TTC6: variants seen among roughly 807,000 people sequenced by gnomAD.
The protein encoded by TTC6 is tetratricopeptide repeat domain 6.
TTC6 carries 172 observed loss-of-function variants against 210.4 expected under a neutral mutation model. The ratio of observed to expected loss-of-function variants is 0.82; its 90% confidence interval spans 0.72 to 0.93. TTC6 has a LOEUF of 0.93. Ranked by LOEUF, TTC6 falls within the 40% of genes least tolerant of loss-of-function variation. TTC6 has a pLI of 0.00. For synonymous variants in TTC6, 804 were observed against 819.6 expected (o/e 0.98, Z 0.32); for missense variants, 2,414 against 2,318.1 (o/e 1.04, Z -0.85).
chr14:37,653,814 AT>A (rs1320949128), intron 1 of TTC6, among the ~76,000 whole-genome samples: 1 of 152,162 alleles, frequency 6.6e-6, no homozygotes, highest in Non-Finnish European at 1.5e-5. Flanking sequence ...TTGTCAACTT[AT>A]TCATATTTGT....
exon 5 of TTC6, chr14:37,701,393 G>A (rs1049018629): frequency 1.3e-6 from 2 of 1,531,312 alleles, no homozygotes; most frequent in African/African-American, 2.7e-5. Flanking sequence ...CCCAGCCCAG[G>A]AGCTGCCTGT....
intron 1 of TTC6, among the ~76,000 whole-genome samples, chr14:37,653,750 A>G (rs540300243): frequency 1.3e-5 from 2 of 152,274 alleles, no homozygotes; most frequent in East Asian, 3.9e-4. Flanking sequence ...ATGTAGTTAC[A>G]TTTCTTAGAG....
chr14:37,816,248 A>G (rs2139456467), intron 25 of TTC6, among the ~76,000 whole-genome samples: 1 of 152,290 alleles, frequency 6.6e-6, no homozygotes, highest in South Asian at 2.1e-4. Context: ...AGGATCTCTG[A>G]GTGCTCAGAT....
At chr14:37,711,825 T>C (rs539939787) in intron 5 of TTC6, among the ~76,000 whole-genome samples, 4 of 151,906 alleles carry the variant, frequency 2.6e-5, no homozygotes, top group African/African-American at 4.8e-5. Flanking sequence ...CAGGACTCAG[T>C]TGAGAGAAGA....
At chr14:37,792,046 G>A (rs866783427) in intron 16 of TTC6, among the ~76,000 whole-genome samples, 6 of 152,226 alleles carry the variant, frequency 3.9e-5, no homozygotes, top group Admixed American at 6.5e-5. Flanking sequence ...TGTTCCTAGC[G>A]CAGACCTTAA....
At chr14:37,795,299 A>G in exon 18 of TTC6, 1 of 1,532,434 alleles carries the variant, frequency 6.5e-7, no homozygotes, top group Non-Finnish European at 8.7e-7. Context: ...CAGTAAATGA[A>G]TTGTCTCGTG....
chr14:37,761,653 CT>C (rs1340321968), intron 14 of TTC6, among the ~76,000 whole-genome samples: 20 of 152,170 alleles, frequency 1.3e-4, no homozygotes, highest in Non-Finnish European at 2.4e-4. Flanking sequence ...TAATCACTTC[CT>C]TATAGTTCTT....
chr14:37,698,680 A>G (rs1171632583), intron 4 of TTC6, among the ~76,000 whole-genome samples: 3 of 152,052 alleles, frequency 2.0e-5, no homozygotes, highest in Non-Finnish European at 2.9e-5. Context: ...GTTAGGCCCT[A>G]TGCTCTTTTG....
At chr14:37,742,904 G>T (rs2138976007) in intron 10 of TTC6, among the ~76,000 whole-genome samples, 1 of 152,280 alleles carries the variant, frequency 6.6e-6, no homozygotes, top group Middle Eastern at 3.4e-3. Flanking sequence ...CCATCTAGAA[G>T]ATGAATAGCC....
chr14:37,675,470 A>G (rs960048904), intron 1 of TTC6, among the ~76,000 whole-genome samples: 1 of 152,124 alleles, frequency 6.6e-6, no homozygotes, highest in Non-Finnish European at 1.5e-5. Flanking sequence ...TTATTCATTC[A>G]TCCATGAATG....
chr14:37,756,236 A>G (rs1453548699), intron 14 of TTC6, among the ~76,000 whole-genome samples: 7 of 152,206 alleles, frequency 4.6e-5, no homozygotes, highest in African/African-American at 1.7e-4. Flanking sequence ...TATCAGCTTA[A>G]GGAGATTTGG....
chr14:37,794,213 G>C (rs2096086968), intron 17 of TTC6, among the ~76,000 whole-genome samples: 1 of 152,160 alleles, frequency 6.6e-6, no homozygotes, highest in African/African-American at 2.4e-5. Context: ...CCTGAATAGG[G>C]TTAGCTTAGG....
At chr14:37,740,902 T>C (rs2095916980) in intron 10 of TTC6, among the ~76,000 whole-genome samples, 1 of 152,174 alleles carries the variant, frequency 6.6e-6, no homozygotes, top group Non-Finnish European at 1.5e-5. Flanking sequence ...CTAAATGACT[T>C]CTATCTAAAA....
At chr14:37,790,965 C>G in intron 16 of TTC6, 128 bp downstream of exon 18, 1 of 741,014 alleles carries the variant, frequency 1.3e-6, no homozygotes, top group East Asian at 2.9e-5. Flanking sequence ...TAAAGTCATC[C>G]TAGAATTAGA....
chr14:37,614,334 T>TA, intron 2 of TTC6, among the ~76,000 whole-genome samples: 1 of 152,290 alleles, frequency 6.6e-6, no homozygotes, highest in Admixed American at 6.5e-5. Flanking sequence ...CTAGTTCACA[T>TA]AAAATGCAGA....
At chr14:37,842,181 C>T in exon 31 of TTC6, 1 of 1,602,488 alleles carries the variant, frequency 6.2e-7, no homozygotes, top group Admixed American at 1.7e-5. Flanking sequence ...TAATGATGCT[C>T]TAGTATATAA....
intron 1 of TTC6, among the ~76,000 whole-genome samples, chr14:37,602,464 T>G (rs2095617502): frequency 1.3e-5 from 2 of 152,196 alleles, no homozygotes; most frequent in Non-Finnish European, 1.5e-5. Flanking sequence ...CCTTAAATTT[T>G]ATTTGCCACG....
At chr14:37,727,091 T>C (rs1365457285) in intron 7 of TTC6, among the ~76,000 whole-genome samples, 1 of 151,852 alleles carries the variant, frequency 6.6e-6, no homozygotes, top group African/African-American at 2.4e-5. Context: ...TAGAAAGATA[T>C]ATAATACATA....
intron 5 of TTC6, among the ~76,000 whole-genome samples, chr14:37,711,303 T>C (rs2095844357): frequency 6.6e-6 from 1 of 152,160 alleles, no homozygotes; most frequent in Admixed American, 6.5e-5. Context: ...AACAAGCCTA[T>C]GCTCTACTGT....
Sources: gnomAD v4.1 joint callset for allele counts (sites outside exome capture counted in the v4.1 genomes callset) on GRCh38, gnomAD v4.1.1 for gene constraint, MANE v1.5 for transcripts, NCBI Gene and HGNC (gene_info 2026-07-23, HGNC 2026-07-21) for gene names.